Variants in SYNJ2 observed in about 807,000 individuals in gnomAD.
SYNJ2 encodes the protein polyphosphatidylinositol phosphatase SYNJ2.
Under a neutral mutation model 141.3 loss-of-function variants are expected in SYNJ2, and 116 were observed. That is an observed-to-expected ratio of 0.82 (90% CI 0.71 to 0.96). The LOEUF (loss-of-function observed/expected upper bound fraction) is 0.96, where lower values mean the gene tolerates loss of function less well. Among genes scored for constraint, SYNJ2 ranks in the 40% least tolerant of loss-of-function variants. The pLI is 0.00. For missense variants in SYNJ2, 1,873 were observed against 1,934.8 expected (o/e 0.97, Z 0.60); for synonymous variants, 745 against 777.7 (o/e 0.96, Z 0.70).
chr6:158,098,992 G>T lies in SYNJ2; in HGVS notation c.*2628G>T, dbSNP rs1481700257. 1 of 152,228 alleles carries T rather than the reference G, an allele frequency of 6.6e-6. No individual in the cohort carries two copies. The highest frequency in any genetic ancestry group is 2.4e-5 in the African/African-American group (1 of 41,458). The allele number at this position is 152,228 out of a possible 1,614,324, so 9.4% of individuals were successfully genotyped here. ...CATAATAAAATTCTCCCTGATGTGT[G>T]TGTAAGTATAAACAAAGTAATGTAT... On this transcript the variant is annotated 3_prime_UTR_variant, in exon 27 of 27. Coordinates refer to ENST00000355585, the MANE Select transcript of SYNJ2 (RefSeq NM_003898.4).
At chr6:158,000,554 T>A (rs1382771646) in intron 1 of SYNJ2, among the ~76,000 whole-genome samples, 1 of 152,104 alleles carries the variant, frequency 6.6e-6, no homozygotes, top group Non-Finnish European at 1.5e-5. Context: ...CAACAACAAA[T>A]AAATCAGAAA....
chr6:158,027,232 G>A lies in SYNJ2; in HGVS notation c.215-1524G>A. ...TGGGGGTCTCTTCCTGGAGTGTGGA[G>A]AGATCAGAACCATCTCCAGACCATG... On this transcript the variant is annotated intron_variant, in intron 2 of 26. Transcript: ENST00000355585. The surrounding 1 kb of genome is among the most constrained non-coding windows in gnomAD (Gnocchi z 4.6). The A allele has an allele frequency of 1.0e-6, 1 of 981,592 alleles. No individual in the cohort carries two copies. The highest frequency in any genetic ancestry group is 1.7e-5 in the African/African-American group (1 of 57,264). 60.8% of individuals were successfully genotyped at this position (981,592 alleles called of 1,614,324 possible).
intron 4 of SYNJ2, among the ~76,000 whole-genome samples, chr6:158,037,975 C>T (rs1333001278): frequency 1.3e-5 from 2 of 152,254 alleles, no homozygotes; most frequent in African/African-American, 2.4e-5. Context: ...CTTCGTGTCG[C>T]GTGCCTGCTG....
chr6:158,053,968 C>T (rs1276786824), intron 5 of SYNJ2, among the ~76,000 whole-genome samples: 1 of 151,436 alleles, frequency 6.6e-6, no homozygotes, highest in Non-Finnish European at 1.5e-5. Context: ...ATCCATCCAC[C>T]CACCCATCCA....
At chr6:158,021,450 C>T (rs1778767102) in intron 2 of SYNJ2, among the ~76,000 whole-genome samples, 1 of 152,230 alleles carries the variant, frequency 6.6e-6, no homozygotes, top group Non-Finnish European at 1.5e-5. Context: ...TCCTCCAACA[C>T]CAGGCGGGCT....
chr6:158,076,833 C>A, intron 17 of SYNJ2, 51 bp downstream of exon 17: 1 of 1,556,066 alleles, frequency 6.4e-7, no homozygotes, highest in Non-Finnish European at 8.7e-7. Flanking sequence ...ATAAGAAATG[C>A]GACGGAGGGA....
intron 23 of SYNJ2, among the ~76,000 whole-genome samples, chr6:158,088,031 G>C (rs1583509693): frequency 2.2e-5 from 1 of 44,500 alleles, no homozygotes; most frequent in African/African-American, 7.6e-5. Flanking sequence ...CCCCTGCTTT[G>C]GAATTTTTTT....
At position 158,094,079 on chromosome 6, in the gene SYNJ2, C is replaced by A. The variant is rs13217929; in HGVS notation, c.3744+975C>A. On this transcript the variant is annotated intron_variant, in intron 26 of 26. Transcript: ENST00000355585. ...CATCACAGCACGATGCTGCTTCCCC[C>A]CTAGAGAGTGTGAGGGGGGCTTCGG... 8.3e-5 allele frequency: 60 copies of A among 723,768 alleles called. No individual in the cohort carries two copies. In the African/African-American group the frequency reaches 8.6e-4, roughly 10 times the overall value. The allele number at this position is 723,768 out of a possible 1,614,324, so 44.8% of individuals were successfully genotyped here. A position where few individuals can be genotyped will look rare whatever the true frequency, so the allele number is the denominator to read the frequency against.
In SYNJ2 at chr6:158,028,833, A is replaced by C. The variant is rs139968280; in HGVS notation, c.292A>C (p.Lys98Gln). ...VGRIPDAEIYKITATDFYPLQ... is the reference protein window; with the variant it reads ...VGRIPDAEIYQITATDFYPLQ... ...CAGAATTCCAGATGCTGAAATCTACAAAATCACTGCCACTGACTTTTACCC... is the reference window on the plus strand; with the variant it reads ...CAGAATTCCAGATGCTGAAATCTACCAAATCACTGCCACTGACTTTTACCC... Residue 98 changes from lysine (K) to glutamine (Q), a missense_variant, in exon 3 of 27, where the codon AAA (lysine) becomes CAA (glutamine). By Grantham distance (53) the Lys-to-Gln change is moderately conservative (BLOSUM62 1). Coordinates refer to ENST00000355585, the MANE Select transcript of SYNJ2 (RefSeq NM_003898.4). 2.5e-6 allele frequency: 4 copies of C among 1,614,080 alleles called. No individual in the cohort carries two copies. The African/African-American group carries it at 5.3e-5, about 22-fold the overall frequency.
intron 1 of SYNJ2, among the ~76,000 whole-genome samples, chr6:157,984,459 T>A (rs1241383950): frequency 2.0e-5 from 3 of 152,188 alleles, no homozygotes; most frequent in Non-Finnish European, 1.5e-5. Flanking sequence ...AGTGAAGTGG[T>A]GCGATCTCGG....
Position 158,076,764 on chromosome 6 carries a change from C to A in SYNJ2, c.2431C>A (p.His811Asn). Reference sequence around the variant, plus strand: ...CAGGGTGCTGTGGTGGAGGAAGAAACATCCCTTTGATAAAACAGGTGAGGG... The same window carrying A: ...CAGGGTGCTGTGGTGGAGGAAGAAAAATCCCTTTGATAAAACAGGTGAGGG... ...TDRVLWWRKK[H>N]PFDKTAGELN... The change falls in exon 17 of 27, where the codon CAT (histidine) becomes AAT (asparagine). Residue 811 changes from histidine to asparagine, a missense_variant. Physicochemically the swap from His to Asn is moderately conservative, Grantham distance 68. Coordinates refer to ENST00000355585, the MANE Select transcript of SYNJ2 (RefSeq NM_003898.4). The A allele has an allele frequency of 6.2e-7, 1 of 1,612,616 alleles. No individual in the cohort carries two copies. Among genetic ancestry groups the A allele is most frequent in the South Asian group, 1.1e-5 (1 of 91,014 alleles).
chr6:158,094,735 T>C (rs2128403271), intron 26 of SYNJ2, among the ~76,000 whole-genome samples: 1 of 152,402 alleles, frequency 6.6e-6, no homozygotes, highest in Non-Finnish European at 1.5e-5. Context: ...ACTAGTCTAC[T>C]GATCACCTTT....
intron 6 of SYNJ2, among the ~76,000 whole-genome samples, chr6:158,056,757 T>C (rs1583423186): frequency 6.6e-6 from 1 of 152,326 alleles, no homozygotes; most frequent in Middle Eastern, 3.4e-3. Context: ...CTGATGGATT[T>C]GGTTGAGAGT....
In SYNJ2 at chr6:158,068,568, G is replaced by C. The variant is rs1781708944; in HGVS notation, c.1718-79G>C. Reference sequence around the variant, plus strand: ...GCAGTGGACAGCATGACTCGGGAGAGGGCACTGGGGAGCCCCATGAACTCG... The same window carrying C: ...GCAGTGGACAGCATGACTCGGGAGACGGCACTGGGGAGCCCCATGAACTCG... On this transcript the variant is annotated intron_variant, in intron 12 of 26. Coordinates refer to ENST00000355585, the MANE Select transcript of SYNJ2 (RefSeq NM_003898.4). 4.0e-6 allele frequency: 6 copies of C among 1,518,722 alleles called. No homozygotes were observed. In the East Asian group the frequency reaches 1.1e-4, roughly 29 times the overall value. The allele number at this position is 1,518,722 out of a possible 1,614,324, so 94.1% of individuals were successfully genotyped here.
intron 18 of SYNJ2, chr6:158,079,338 A>G (rs936323421): frequency 6.6e-6 from 1 of 152,156 alleles, no homozygotes; most frequent in African/African-American, 2.4e-5. Context: ...TTACAAGGAA[A>G]GAAATTAAGA....
In SYNJ2 at chr6:158,033,573, A is replaced by G; in HGVS notation, c.604A>G (p.Lys202Glu). ...RTVYASHKQA[K>E]ACLVSRVSCE... is the part of the protein sequence containing the mutation. Reference sequence around the variant, plus strand: ...CGTGTATGCCTCCCACAAGCAGGCCAAGGCCTGCCTCGTCTCTCGCGTTAG... The same window carrying G: ...CGTGTATGCCTCCCACAAGCAGGCCGAGGCCTGCCTCGTCTCTCGCGTTAG... Residue 202 changes from lysine to glutamate, a missense_variant, in exon 4 of 27, where the codon AAG becomes GAG. Physicochemically the swap from Lys to Glu is moderately conservative, Grantham distance 56. Coordinates refer to ENST00000355585, the MANE Select transcript of SYNJ2 (RefSeq NM_003898.4). 6.2e-7 allele frequency: 1 copy of G among 1,614,130 alleles called. No homozygotes were observed. Among genetic ancestry groups the G allele is most frequent in the Non-Finnish European group, 8.5e-7 (1 of 1,180,054 alleles).
intron 2 of SYNJ2, among the ~76,000 whole-genome samples, chr6:158,022,220 T>C (rs1778814336): frequency 6.6e-6 from 1 of 152,142 alleles, no homozygotes; most frequent in African/African-American, 2.4e-5. Context: ...TCTGAGGGTG[T>C]CTGTGTGAGC....
At position 158,069,637 on chromosome 6, in the gene SYNJ2, A is replaced by C; in HGVS notation, c.1904A>C (p.Tyr635Ser). Residue 635 changes from tyrosine to serine, a missense_variant, in exon 14 of 27, where the codon TAT becomes TCT. Physicochemically the swap from Tyr to Ser is moderately radical, Grantham distance 144. Coordinates refer to ENST00000355585, the MANE Select transcript of SYNJ2 (RefSeq NM_003898.4). ...TSAQLVGVCL[Y>S]IFVRPYHVPF... ...GCACAGCTGGTGGGCGTCTGTCTTT[A>C]TATCTTTGTACGTCCATACCATGTC... The C allele has an allele frequency of 6.2e-7, 1 of 1,613,972 alleles. No homozygotes were observed. The highest frequency in any genetic ancestry group is 8.5e-7 in the Non-Finnish European group (1 of 1,179,902).
At position 158,086,927 on chromosome 6, in the gene SYNJ2, G is replaced by A. The variant is rs1394701548; in HGVS notation, c.3281G>A (p.Arg1094Lys). The change falls in exon 23 of 27, where the codon AGG becomes AAG. Residue 1094 changes from arginine to lysine, a missense_variant. Arg to Lys is a conservative substitution (Grantham distance 26, BLOSUM62 2). Coordinates refer to ENST00000355585, the MANE Select transcript of SYNJ2 (RefSeq NM_003898.4). ...VGEFRHRSPS[R>K]SLSVPNRPRP... Reference sequence around the variant, plus strand: ...GAGTTCCGCCACCGTTCTCCGAGCAGGTCTCTGTCGGTCCCCAACCGGCCT... The same window carrying A: ...GAGTTCCGCCACCGTTCTCCGAGCAAGTCTCTGTCGGTCCCCAACCGGCCT... 1 of 1,608,588 alleles carries A rather than the reference G, an allele frequency of 6.2e-7. No homozygotes were observed. Among genetic ancestry groups the A allele is most frequent in the African/African-American group, 1.3e-5 (1 of 74,940 alleles).
Sources: gnomAD v4.1 joint callset for allele counts (sites outside exome capture counted in the v4.1 genomes callset) on GRCh38, gnomAD v4.1.1 for gene constraint, Gnocchi (gnomAD v3.1) non-coding constraint, MANE v1.5 for transcripts, NCBI Gene and HGNC (gene_info 2026-07-23, HGNC 2026-07-21) for gene names.